The following CCDC60 variants were observed in gnomAD, a reference collection of about 807,000 sequenced individuals.
CCDC60 encodes the protein coiled-coil domain containing 60.
In CCDC60, 54 loss-of-function variants were observed where a neutral mutation model predicts 63.5. That is an observed-to-expected ratio of 0.85 (90% CI 0.68 to 1.07). CCDC60 has a LOEUF of 1.07. CCDC60 is among the 50% of genes least tolerant of loss of function. The pLI, the probability that CCDC60 is intolerant of heterozygous loss-of-function variation, is 0.00. For missense variants in CCDC60, 651 were observed against 684.3 expected, an observed-to-expected ratio of 0.95 and a Z score of 0.54; for synonymous variants, 206 against 238.8, an observed-to-expected ratio of 0.86 and a Z score of 1.27.
chr12:119,503,061 C>A (rs1951894730), intron 6 of CCDC60, among the ~76,000 whole-genome samples: 2 of 151,972 alleles, frequency 1.3e-5, no homozygotes, highest in Non-Finnish European at 1.5e-5. Context: ...CCTGTAATAC[C>A]AGCTACTTGG....
At chr12:119,434,749 T>C (rs964627982) in intron 2 of CCDC60, among the ~76,000 whole-genome samples, 11 of 152,184 alleles carry the variant, frequency 7.2e-5, no homozygotes, top group Admixed American at 6.5e-4. Flanking sequence ...CTGGAAATGC[T>C]GGAAGAACTG....
At chr12:119,357,459 T>C (rs1235303814) in intron 1 of CCDC60, among the ~76,000 whole-genome samples, 1 of 72,656 alleles carries the variant, frequency 1.4e-5, no homozygotes, top group Non-Finnish European at 4.1e-5. Context: ...TGAGATCAGC[T>C]TTTTTTTTTT....
chr12:119,454,646 A>G (rs1950692409), intron 2 of CCDC60, among the ~76,000 whole-genome samples: 1 of 152,222 alleles, frequency 6.6e-6, no homozygotes, highest in Non-Finnish European at 1.5e-5. Flanking sequence ...AGCATTTTAA[A>G]TGTGTGAATT....
At chr12:119,395,837 T>C (rs1175053042) in intron 1 of CCDC60, among the ~76,000 whole-genome samples, 1 of 152,228 alleles carries the variant, frequency 6.6e-6, no homozygotes. Context: ...CTCTCCCAGC[T>C]TCTGGTGGCT....
intron 4 of CCDC60, among the ~76,000 whole-genome samples, chr12:119,486,901 C>T (rs1402298147): frequency 6.6e-6 from 1 of 152,104 alleles, no homozygotes; most frequent in East Asian, 1.9e-4. Flanking sequence ...CCTAGGAACC[C>T]TGGGGAGTGT....
rs549081974 is a variant in CCDC60 at position 119,480,890 on chromosome 12, CCAT to C, written c.449+1695_449+1697del. On this transcript the variant is annotated intron_variant, in intron 4 of 13. Coordinates refer to ENST00000327554, the MANE Select transcript of CCDC60 (RefSeq NM_178499.5). ...ATCACCATCACCATCATCATCACCA[CCAT>C]CATCACCACCATCCTCACCATCACC... Among the ~76,000 whole-genome samples the C allele has an allele frequency of 1.9e-4, 25 of 128,700 alleles. No individual in the cohort carries two copies. In the South Asian group the frequency reaches 5.7e-3, roughly 29 times the overall value. The allele number at this position is 128,700 out of a possible 152,430, so 84.4% of individuals were successfully genotyped here. A position where few individuals can be genotyped will look rare whatever the true frequency, so the allele number is the denominator to read the frequency against.
intron 2 of CCDC60, among the ~76,000 whole-genome samples, chr12:119,444,837 T>A (rs980205140): frequency 6.6e-6 from 1 of 152,228 alleles, no homozygotes; most frequent in Non-Finnish European, 1.5e-5. Context: ...ACCTTATCCC[T>A]GCTCGATCTA....
chr12:119,352,987 A>G (rs1955672554), intron 1 of CCDC60, among the ~76,000 whole-genome samples: 1 of 152,124 alleles, frequency 6.6e-6, no homozygotes, highest in South Asian at 2.1e-4. Flanking sequence ...TCACTTCCAG[A>G]TGATGCTCAT....
In CCDC60 at chr12:119,373,347, C is replaced by T. The variant is rs532016897; in HGVS notation, c.90+38081C>T. 4.5e-4 allele frequency among the ~76,000 whole-genome samples: 69 copies of T among 152,280 alleles called. 1 individual carries two copies. The highest frequency in any genetic ancestry group is 6.6e-4 in the Non-Finnish European group (45 of 68,020). On this transcript the variant is annotated intron_variant, in intron 1 of 13. Transcript: ENST00000327554. ...CCTAAAGAAAAGCTGGCTCCAATCA[C>T]TCTAAACCCCACCGGCAGCTATGTG...
chr12:119,431,370 G>C (rs544391649), intron 2 of CCDC60, among the ~76,000 whole-genome samples: 1 of 152,320 alleles, frequency 6.6e-6, no homozygotes, highest in African/African-American at 2.4e-5. Flanking sequence ...CTATTCTCTT[G>C]TGCTGAGTCA....
At chr12:119,427,274 T>A (rs1036841033) in intron 1 of CCDC60, among the ~76,000 whole-genome samples, 5 of 152,200 alleles carry the variant, frequency 3.3e-5, no homozygotes, top group Admixed American at 6.5e-5. Flanking sequence ...TATGTGTATA[T>A]CCACACAGAT....
rs750396778 is a variant in CCDC60 at position 119,519,431 on chromosome 12, G to GC, written c.969-690_969-689insC. Among the ~76,000 whole-genome samples, 2 of 136,000 alleles carry GC rather than the reference G, an allele frequency of 1.5e-5. 1 individual carries two copies. Among genetic ancestry groups the GC allele is most frequent in the Admixed American group, 1.5e-4 (2 of 13,558 alleles). The allele number at this position is 136,000 out of a possible 152,430, so 89.2% of individuals were successfully genotyped here. On this transcript the variant is annotated intron_variant, in intron 8 of 13. Transcript: ENST00000327554. ...TGTGTGTGTGTGTGTGTGTGTGTGT[G>GC]TGTGCGCGTGTGTGTGTGTGTATAT...
At position 119,377,871 on chromosome 12, in the gene CCDC60, C is replaced by T. The variant is rs577997274; in HGVS notation, c.90+42605C>T. 7.9e-5 allele frequency among the ~76,000 whole-genome samples: 12 copies of T among 152,228 alleles called. No homozygotes were observed. The South Asian group carries it at 2.1e-3, about 26-fold the overall frequency. Reference sequence around the variant, plus strand: ...GGCATCGTTGTCTGGGGTAAATACTCGAGGTTTGCTGTCTCACGCCAGGGA... The same window carrying T: ...GGCATCGTTGTCTGGGGTAAATACTTGAGGTTTGCTGTCTCACGCCAGGGA... On this transcript the variant is annotated intron_variant, in intron 1 of 13. Coordinates refer to ENST00000327554, the MANE Select transcript of CCDC60 (RefSeq NM_178499.5).
chr12:119,353,742 G>A (rs1955686496), intron 1 of CCDC60, among the ~76,000 whole-genome samples: 1 of 151,598 alleles, frequency 6.6e-6, no homozygotes, highest in African/African-American at 2.4e-5. Context: ...CAAGTAGCTG[G>A]GATTACAGGT....
At chr12:119,496,595 T>C (rs913354757) in intron 5 of CCDC60, among the ~76,000 whole-genome samples, 2 of 152,246 alleles carry the variant, frequency 1.3e-5, no homozygotes, top group African/African-American at 4.8e-5. Context: ...CTGAACTGTA[T>C]TCAGCTCTCT....
chr12:119,515,479 C>A (rs1952330869), intron 7 of CCDC60, among the ~76,000 whole-genome samples: 1 of 152,050 alleles, frequency 6.6e-6, no homozygotes, highest in African/African-American at 2.4e-5. Context: ...CCCCACCATG[C>A]CTAGCTAATC....
In CCDC60 at chr12:119,461,184, T is replaced by A. The variant is rs148512509; in HGVS notation, c.171-10810T>A. Among the ~76,000 whole-genome samples the A allele has an allele frequency of 2.6e-3, 395 of 152,258 alleles. 3 individuals carry two copies. Among genetic ancestry groups the A allele is most frequent in the African/African-American group, 8.4e-3 (350 of 41,538 alleles). On this transcript the variant is annotated intron_variant, in intron 2 of 13. Transcript: ENST00000327554. ...TAAGCAAGCTGACGATAACAACCGC[T>A]TCCCATTATGGAGCCCTATGTACTA...
intron 5 of CCDC60, among the ~76,000 whole-genome samples, chr12:119,489,087 A>G (rs1951523524): frequency 6.6e-6 from 1 of 152,060 alleles, no homozygotes; most frequent in Non-Finnish European, 1.5e-5. Context: ...ATCTCTTCCC[A>G]ACTCCACATT....
In CCDC60 at chr12:119,519,451, GTA is replaced by G. The variant is rs754766528; in HGVS notation, c.969-654_969-653del. 1.1e-3 allele frequency among the ~76,000 whole-genome samples: 142 copies of G among 125,976 alleles called. 3 individuals carry two copies. The highest frequency in any genetic ancestry group is 3.9e-3 in the Middle Eastern group (1 of 256). 82.6% of individuals were successfully genotyped at this position (125,976 alleles called of 152,430 possible). A position where few individuals can be genotyped will look rare whatever the true frequency, so the allele number is the denominator to read the frequency against. ...TGTGTGTGTGCGCGTGTGTGTGTGT[GTA>G]TATATATATATATATTTTTTTTTTT... On this transcript the variant is annotated intron_variant, in intron 8 of 13. Transcript: ENST00000327554.
Sources: gnomAD v4.1 joint callset for allele counts (sites outside exome capture counted in the v4.1 genomes callset) on GRCh38, gnomAD v4.1.1 for gene constraint, MANE v1.5 for transcripts, NCBI Gene and HGNC (gene_info 2026-07-23, HGNC 2026-07-21) for gene names.